The following NREP variants were observed in gnomAD, a reference collection of about 807,000 sequenced individuals.
NREP encodes the protein neuronal regeneration related protein, also known as neuronal regeneration-related protein.
In NREP, 5 loss-of-function variants were observed where a neutral mutation model predicts 8.6. The observed-to-expected ratio is 0.58, with a 90% CI of 0.30 to 1.22. The LOEUF (loss-of-function observed/expected upper bound fraction) is 1.22, where lower values mean the gene tolerates loss of function less well. Ranked by LOEUF, NREP falls within the 50% of genes most tolerant of loss-of-function variation. NREP has a pLI of 0.07. For missense variants in NREP, 86 were observed against 82.5 expected, an observed-to-expected ratio of 1.04 and a Z score of -0.17; for synonymous variants, 27 against 28.0, an observed-to-expected ratio of 0.96 and a Z score of 0.11.
chr5:111,828,342 C>T (rs1039065147), intron 2 of NREP, among the ~76,000 whole-genome samples: 2 of 151,932 alleles, frequency 1.3e-5, no homozygotes, highest in African/African-American at 4.8e-5. Context: ...TATTTGTTTT[C>T]TAGGCAATAG....
At chr5:111,758,766 C>A (rs32333), upstream of NREP, among the ~76,000 whole-genome samples, 37,203 of 152,122 alleles carry the variant, frequency 0.24, 5,394 homozygotes, top group East Asian at 0.51. Flanking sequence ...CTGGGTACAG[C>A]AATAGCAAAC....
chr5:111,904,789 TC>T (rs1754737612), intron 2 of NREP, among the ~76,000 whole-genome samples: 1 of 152,032 alleles, frequency 6.6e-6, no homozygotes, highest in African/African-American at 2.4e-5. Context: ...TGTTTTTCCT[TC>T]CCTTCTCTGT....
rs1009383195 is a variant in NREP, at chr5:111,730,955, C to A, written c.173G>T (p.Arg58Leu). Residue 58 changes from arginine to leucine, a missense_variant, in exon 4 of 4, where the codon CGC becomes CTC. Transcript: ENST00000257435. ...GTGGAGGTAACTGATTCTTGGGGAG[C>A]GGAGTTCACTGCTGCCCAGTGGAGT... ...SLTPLGSSEL[R>L]SPRISYLHFF The A allele has an allele frequency of 1.9e-6, 3 of 1,613,820 alleles. No homozygotes were observed. The Middle Eastern group carries it at 5.0e-4, about 267-fold the overall frequency.
chr5:111,855,834 G>A (rs760202023), intron 2 of NREP, among the ~76,000 whole-genome samples: 72 of 152,154 alleles, frequency 4.7e-4, no homozygotes, highest in African/African-American at 1.0e-3. Flanking sequence ...TCATGCAGGC[G>A]AAATCAGGTG....
intron 2 of NREP, among the ~76,000 whole-genome samples, chr5:111,868,915 G>T (rs889037910): frequency 6.6e-6 from 1 of 151,800 alleles, no homozygotes; most frequent in Admixed American, 6.6e-5. Flanking sequence ...TTAGCAACAT[G>T]AATTGCAAGT....
At chr5:111,957,931 C>T (rs1387945290) in intron 2 of NREP, among the ~76,000 whole-genome samples, 1 of 151,600 alleles carries the variant, frequency 6.6e-6, no homozygotes, top group Non-Finnish European at 1.5e-5. Flanking sequence ...AATAGATTAA[C>T]GATGAACTTG....
At chr5:111,830,302 A>G (rs572489622) in intron 2 of NREP, among the ~76,000 whole-genome samples, 47 of 152,316 alleles carry the variant, frequency 3.1e-4, no homozygotes, top group African/African-American at 9.1e-4. Flanking sequence ...AGATCTTACA[A>G]TGACACAGAA....
Position 111,890,323 on chromosome 5 carries a change from C to T in NREP, c.135+84951G>A, listed in dbSNP as rs372456210. On this transcript the variant is annotated intron_variant, in intron 2 of 3. Transcript: ENST00000395634. ...GCAGCTCTGCCCCTATGGCTTTGTA[C>T]TGTTCAGCCCTTGCAGCTACTCTCA... Among the ~76,000 whole-genome samples the T allele has an allele frequency of 2.6e-4, 40 of 152,346 alleles. 1 individual carries two copies. In the East Asian group the frequency reaches 3.1e-3, roughly 12 times the overall value.
At chr5:111,851,998 C>T (rs1334046383) in intron 2 of NREP, among the ~76,000 whole-genome samples, 2 of 152,118 alleles carry the variant, frequency 1.3e-5, no homozygotes, top group Admixed American at 6.6e-5. Flanking sequence ...TTGAAACTTA[C>T]CCCCCATTGT....
chr5:111,881,353 G>A (rs546447513), intron 2 of NREP, among the ~76,000 whole-genome samples: 19 of 152,318 alleles, frequency 1.2e-4, no homozygotes, highest in Admixed American at 1.1e-3. Context: ...GCCCACCACA[G>A]CTCAAGGAGG....
intron 2 of NREP, among the ~76,000 whole-genome samples, chr5:111,950,794 C>A (rs1360387030): frequency 6.6e-6 from 1 of 151,136 alleles, no homozygotes; most frequent in African/African-American, 2.4e-5. Flanking sequence ...CCAAAAAACA[C>A]ATGAAAAAAA....
chr5:111,758,642 T>C (rs1022667402), upstream of NREP, among the ~76,000 whole-genome samples: 14 of 152,158 alleles, frequency 9.2e-5, no homozygotes, highest in Non-Finnish European at 1.2e-4. Context: ...ATCCACTTTT[T>C]CCCCTAATCA....
chr5:111,953,525 C>T (rs1405160980), intron 2 of NREP, among the ~76,000 whole-genome samples: 4 of 152,142 alleles, frequency 2.6e-5, no homozygotes, highest in Non-Finnish European at 5.9e-5. Flanking sequence ...TTTCATTCTT[C>T]AGGCATCATG....
chr5:111,735,200 T>C (rs1358913760), intron 3 of NREP: 1 of 423,806 alleles, frequency 2.4e-6, no homozygotes, highest in African/African-American at 2.0e-5. Flanking sequence ...ACTGATTCCA[T>C]GTTTTAAATG....
At chr5:111,748,406 G>A (rs1464196946) in intron 2 of NREP, among the ~76,000 whole-genome samples, 2 of 152,084 alleles carry the variant, frequency 1.3e-5, no homozygotes, top group Non-Finnish European at 2.9e-5. Context: ...CTCATTGTAT[G>A]ATACCAAAGT....
intron 2 of NREP, among the ~76,000 whole-genome samples, chr5:111,876,006 G>A (rs1753899356): frequency 6.6e-6 from 1 of 152,140 alleles, no homozygotes; most frequent in African/African-American, 2.4e-5. Flanking sequence ...AACTGGTTAG[G>A]GCCAGTTGTG....
chr5:111,830,909 C>T (rs1430921558), intron 2 of NREP, among the ~76,000 whole-genome samples: 1 of 152,206 alleles, frequency 6.6e-6, no homozygotes, highest in Admixed American at 6.5e-5. Flanking sequence ...ATTATTGTTA[C>T]TTCTAAACTT....
At chr5:111,954,242 A>C (rs766646148) in intron 2 of NREP, among the ~76,000 whole-genome samples, 6 of 152,152 alleles carry the variant, frequency 3.9e-5, no homozygotes, top group Non-Finnish European at 8.8e-5. Flanking sequence ...TTTATATTTT[A>C]TGCCCATATC....
At chr5:111,743,429 T>C (rs1749807642) in intron 2 of NREP, among the ~76,000 whole-genome samples, 1 of 152,174 alleles carries the variant, frequency 6.6e-6, no homozygotes, top group Admixed American at 6.5e-5. Context: ...AGAATAAATA[T>C]TTACTTAACA....
Sources: gnomAD v4.1 joint callset for allele counts (sites outside exome capture counted in the v4.1 genomes callset) on GRCh38, gnomAD v4.1.1 for gene constraint, MANE v1.5 for transcripts, NCBI Gene and HGNC (gene_info 2026-07-23, HGNC 2026-07-21) for gene names.